The following CHN2 variants were observed in gnomAD, a reference collection of about 807,000 sequenced individuals.
CHN2 encodes beta-chimaerin.
In CHN2, 35 loss-of-function variants were observed where a neutral mutation model predicts 56.3. The observed-to-expected ratio is 0.62, with a 90% confidence interval of 0.47 to 0.82. CHN2 has a LOEUF of 0.82. CHN2 is among the 40% of genes least tolerant of loss of function. The pLI, the probability that CHN2 is intolerant of heterozygous loss-of-function variation, is 0.00. For missense variants in CHN2, 491 were observed against 580.5 expected, an observed-to-expected ratio of 0.85 and a Z score of 1.58; for synonymous variants, 210 against 212.8, an observed-to-expected ratio of 0.99 and a Z score of 0.12.
chr7:29,452,680 A>C (rs6943667), intron 6 of CHN2, among the ~76,000 whole-genome samples: 23,153 of 152,246 alleles, frequency 0.15, 2,358 homozygotes, highest in African/African-American at 0.29. Context: ...CATTCTCTGC[A>C]AGACTCGCCA....
chr7:29,412,369 G>A (rs1038889587), intron 6 of CHN2, among the ~76,000 whole-genome samples: 4 of 112,864 alleles, frequency 3.5e-5, no homozygotes, highest in African/African-American at 1.4e-4. Context: ...GTCTCCCTCT[G>A]TTTCCAGGCT....
intron 6 of CHN2, among the ~76,000 whole-genome samples, chr7:29,403,212 A>T (rs751510421): frequency 5.9e-4 from 90 of 151,892 alleles, no homozygotes; most frequent in Non-Finnish European, 1.1e-3. Flanking sequence ...TAAAGGTCTC[A>T]GCCTTGCCAG....
chr7:29,463,081 A>G (rs558121725), intron 6 of CHN2, among the ~76,000 whole-genome samples: 182 of 151,910 alleles, frequency 1.2e-3, no homozygotes, highest in African/African-American at 4.3e-3. Context: ...TAGAATTCCA[A>G]CACAAGGAAA....
rs2128606080 is a variant in CHN2, at chr7:29,512,609, G to T, written c.1281G>T (p.Leu427=). Residue 427 remains leucine, a synonymous_variant, in exon 13 of 13, where the codon CTG becomes CTT. Coordinates refer to ENST00000222792, the MANE Select transcript of CHN2 (RefSeq NM_004067.4). The part of the protein sequence containing the change: ...EKDNFMNAEN[L]GIVFGPTLMR... ...ACAATTTCATGAATGCAGAAAATCT[G>T]GGGATCGTGTTTGGGCCCACTCTGA... 1 of 1,613,528 alleles carries T rather than the reference G, an allele frequency of 6.2e-7. No homozygotes were observed. The highest frequency in any genetic ancestry group is 8.5e-7 in the Non-Finnish European group (1 of 1,179,852).
At chr7:29,288,151 G>A (rs1374003317) in intron 1 of CHN2, among the ~76,000 whole-genome samples, 1 of 152,124 alleles carries the variant, frequency 6.6e-6, no homozygotes, top group African/African-American at 2.4e-5. Flanking sequence ...TGGGTAGTTG[G>A]CTGGAGCTGT....
intron 1 of CHN2, among the ~76,000 whole-genome samples, chr7:29,352,369 A>G (rs3138793): frequency 0.31 from 41,483 of 135,488 alleles, 5,766 homozygotes; most frequent in Middle Eastern, 0.33. Context: ...GTGTGTGTGT[A>G]TGTGTGTGTG....
intron 1 of CHN2, among the ~76,000 whole-genome samples, chr7:29,292,031 A>G (rs1026244972): frequency 6.6e-6 from 1 of 152,232 alleles, no homozygotes; most frequent in Non-Finnish European, 1.5e-5. Context: ...CAATATGTTT[A>G]AAGTAGGCCT....
In CHN2 at chr7:29,405,282, G is replaced by A. The variant is rs548575992; in HGVS notation, c.576+4454G>A. Among the ~76,000 whole-genome samples the A allele has an allele frequency of 5.3e-5, 8 of 150,720 alleles. No homozygotes were observed. In the East Asian group the frequency reaches 1.2e-3, roughly 22 times the overall value. On this transcript the variant is annotated intron_variant, in intron 6 of 12. Coordinates refer to ENST00000222792, the MANE Select transcript of CHN2 (RefSeq NM_004067.4). ...TCTCAGCTCAACCCGATGCTGATAGGACACTTTCATTTCTCCATGGGGTCT... is the reference window on the plus strand; with the variant it reads ...TCTCAGCTCAACCCGATGCTGATAGAACACTTTCATTTCTCCATGGGGTCT...
intron 1 of CHN2, among the ~76,000 whole-genome samples, chr7:29,273,935 G>T (rs76175086): frequency 6.6e-6 from 1 of 152,084 alleles, no homozygotes; most frequent in African/African-American, 2.4e-5. Flanking sequence ...CTGTAAAAAG[G>T]CCTCAAGGAC....
chr7:29,499,791 T>C, intron 8 of CHN2, 76 bp from the exon 9 acceptor site: 4 of 1,375,892 alleles, frequency 2.9e-6, no homozygotes, highest in Admixed American at 2.6e-5. Context: ...GATATTTTTA[T>C]TTTTGGCAAC....
intron 6 of CHN2, among the ~76,000 whole-genome samples, chr7:29,467,106 T>C (rs1361320873): frequency 6.6e-6 from 1 of 152,214 alleles, no homozygotes; most frequent in Non-Finnish European, 1.5e-5. Flanking sequence ...TGCATGAGTG[T>C]CATATGTACG....
chr7:29,146,868 G>T (rs753043260), exon 2 of CHN2: 12 of 1,551,054 alleles, frequency 7.7e-6, no homozygotes, highest in African/African-American at 2.7e-5. Flanking sequence ...GCAAGCCCAG[G>T]ATTTACATTT....
chr7:29,195,059 G>A, intron 1 of CHN2, 69 bp downstream of exon 1: 2 of 1,498,268 alleles, frequency 1.3e-6, no homozygotes, highest in Non-Finnish European at 1.8e-6. Context: ...CCCGCAGCCT[G>A]GGATGGACAG....
chr7:29,365,419 A>G (rs770309215), intron 2 of CHN2, among the ~76,000 whole-genome samples: 8 of 152,234 alleles, frequency 5.3e-5, no homozygotes, highest in Non-Finnish European at 1.2e-4. Context: ...CAATAAATAC[A>G]GAACTATAGT....
intron 1 of CHN2, among the ~76,000 whole-genome samples, chr7:29,340,251 A>G (rs1425051350): frequency 6.6e-6 from 1 of 152,194 alleles, no homozygotes; most frequent in Non-Finnish European, 1.5e-5. Flanking sequence ...TGAATTAATG[A>G]ATTCAGGTAT....
rs370688702 is a variant in CHN2 at position 29,423,576 on chromosome 7, A to G, written c.576+22748A>G. Among the ~76,000 whole-genome samples the G allele has an allele frequency of 4.6e-5, 7 of 152,344 alleles. No homozygotes were observed. In the East Asian group the frequency reaches 9.6e-4, roughly 21 times the overall value. ...TGCTTCCCAGAAAACCTGGCCAGCA[A>G]CGGTTCTCCAGGAAGGACGAAATCT... is the stretch of plus-strand genomic sequence containing the variant. On this transcript the variant is annotated intron_variant, in intron 6 of 12. Coordinates refer to ENST00000222792, the MANE Select transcript of CHN2 (RefSeq NM_004067.4).
chr7:29,297,495 C>T (rs1427065287), intron 1 of CHN2, among the ~76,000 whole-genome samples: 1 of 152,108 alleles, frequency 6.6e-6, no homozygotes, highest in Non-Finnish European at 1.5e-5. Context: ...GCTCTGGTTG[C>T]GTGATCATTT....
intron 1 of CHN2, chr7:29,195,313 G>T: frequency 3.2e-6 from 1 of 312,294 alleles, no homozygotes. Context: ...CTGGAGCGGG[G>T]GCTGGCGGGG....
intron 6 of CHN2, among the ~76,000 whole-genome samples, chr7:29,478,842 C>A (rs3793252): frequency 0.17 from 25,431 of 152,078 alleles, 2,184 homozygotes; most frequent in Middle Eastern, 0.25. Context: ...TATTGAAGGT[C>A]ATGAGAGGAT....
Sources: allele counts gnomAD v4.1 joint callset (sites outside exome capture counted in the v4.1 genomes callset), GRCh38; gene constraint gnomAD v4.1.1; transcripts MANE v1.5; gene names NCBI Gene and HGNC (gene_info 2026-07-23, HGNC 2026-07-21).